FBXO3: variants seen among roughly 807,000 people sequenced by gnomAD.
FBXO3 encodes F-box only protein 3.
In FBXO3, 17 loss-of-function variants were observed where a neutral mutation model predicts 64.8. The ratio of observed to expected loss-of-function variants is 0.26; its 90% CI spans 0.18 to 0.39. The LOEUF is 0.39. Among genes scored for constraint, FBXO3 ranks in the 10% least tolerant of loss-of-function variants. The pLI is 1.00. For missense variants in FBXO3, 420 were observed against 589.9 expected, an observed-to-expected ratio of 0.71 and a Z score of 2.98; for synonymous variants, 182 against 201.6, an observed-to-expected ratio of 0.90 and a Z score of 0.82.
rs750453615 is a variant in FBXO3 at position 33,751,531 on chromosome 11, T to C, written c.801A>G (p.Gln267=). ...GACCCAAAATAAAATACCTGAAAATTTGGTCTCTGATGATGGGGAAGCCAC... is the reference window on the plus strand; with the variant it reads ...GACCCAAAATAAAATACCTGAAAATCTGGTCTCTGATGATGGGGAAGCCAC... ...VSGGFPIIRD[Q]IFRYVHDPEC... The change falls in exon 7 of 11, where the codon CAA becomes CAG. Residue 267 remains glutamine, a synonymous_variant. Transcript: ENST00000265651. 6.2e-6 allele frequency: 10 copies of C among 1,601,216 alleles called. No homozygotes were observed. Among genetic ancestry groups the C allele is most frequent in the South Asian group, 2.3e-5 (2 of 88,742 alleles).
rs80278327 is a variant in FBXO3, at chr11:33,759,064, T to C, written c.359-463A>G. On this transcript the variant is annotated intron_variant, in intron 3 of 10. Coordinates refer to ENST00000265651, the MANE Select transcript of FBXO3 (RefSeq NM_012175.4). ...GAGGCCATTAACTTGAACTCTATTT[T>C]GCATATTTGTAAACTTGCCACATAT... is the stretch of plus-strand genomic sequence containing the variant. Among the ~76,000 whole-genome samples the C allele has an allele frequency of 2.1e-3, 325 of 152,358 alleles. 1 individual carries two copies. The highest frequency in any genetic ancestry group is 7.6e-3 in the African/African-American group (315 of 41,578).
intron 1 of FBXO3, chr11:33,773,074 T>C (rs190443162): frequency 4.4e-4 from 66 of 151,566 alleles, no homozygotes; most frequent in African/African-American, 1.4e-3. Context: ...GCAAATGTGA[T>C]AGTGGTGGAG....
In FBXO3 at chr11:33,750,574, T is replaced by G. The variant is rs147947649; in HGVS notation, c.897A>C (p.Val299=). The change falls in exon 8 of 11, where the codon GTA becomes GTC. Residue 299 remains valine, a synonymous_variant. Transcript: ENST00000265651. Reference sequence around the variant, plus strand: ...ATGTGAAGAAATAGTGGGGTGGATGTACAGAGCTAAGTTCTGGCAGAAACG... The same window carrying G: ...ATGTGAAGAAATAGTGGGGTGGATGGACAGAGCTAAGTTCTGGCAGAAACG... The part of the protein sequence containing the change: ...STSFLPELSS[V]HPPHYFFTYR... The G allele has an allele frequency of 2.5e-6, 4 of 1,613,964 alleles. No individual in the cohort carries two copies. In the South Asian group the frequency reaches 4.4e-5, roughly 18 times the overall value.
intron 4 of FBXO3, 136 bp from the exon 5 acceptor site, chr11:33,756,111 C>T: frequency 1.6e-6 from 1 of 621,330 alleles, no homozygotes; most frequent in Non-Finnish European, 2.8e-6. Flanking sequence ...ATCAGGAATA[C>T]CCAAAGCACT....
At chr11:33,749,640 A>G (rs1348879724) in intron 8 of FBXO3, among the ~76,000 whole-genome samples, 1 of 152,136 alleles carries the variant, frequency 6.6e-6, no homozygotes, top group East Asian at 1.9e-4. Context: ...CTGCGATTAT[A>G]GGCGTGGGCC....
Position 33,773,077 on chromosome 11 carries a change from T to A in FBXO3, c.104+1317A>T, listed in dbSNP as rs141504249. 310 of 151,172 alleles carry A rather than the reference T, an allele frequency of 2.1e-3. 1 individual carries two copies. The highest frequency in any genetic ancestry group is 6.8e-3 in the African/African-American group (281 of 41,106). The allele number at this position is 151,172 out of a possible 1,614,324, so 9.4% of individuals were successfully genotyped here. On this transcript the variant is annotated intron_variant, in intron 1 of 10. Coordinates refer to ENST00000265651, the MANE Select transcript of FBXO3 (RefSeq NM_012175.4). ...AGAATGGATGGTGCAAATGTGATAG[T>A]GGTGGAGAAATAAGTCCTGGAGGAC...
chr11:33,750,165 A>AT (rs5790949), intron 8 of FBXO3, among the ~76,000 whole-genome samples: 47,793 of 151,844 alleles, frequency 0.31, 7,928 homozygotes, highest in East Asian at 0.51. Context: ...CATTTATTAG[A>AT]TTTTTTAATT....
chr11:33,754,856 T>C (rs1590571280), intron 5 of FBXO3, among the ~76,000 whole-genome samples: 1 of 144,464 alleles, frequency 6.9e-6, no homozygotes, highest in South Asian at 2.2e-4. Context: ...GTCTCAACTA[T>C]GAAAAGCATT....
At chr11:33,746,347 TA>T (rs1854812312) in intron 10 of FBXO3, 1 of 302,770 alleles carries the variant, frequency 3.3e-6, no homozygotes, top group African/African-American at 2.1e-5. Flanking sequence ...TTCTTTTCAC[TA>T]GATATGCCAC....
intron 3 of FBXO3, 60 bp downstream of exon 3, chr11:33,768,791 A>G (rs1305740249): frequency 1.9e-6 from 3 of 1,589,926 alleles, no homozygotes; most frequent in African/African-American, 1.3e-5. Context: ...AGTTGTTTAA[A>G]CTAACCTATT....
At chr11:33,762,798 A>G (rs918576186) in intron 3 of FBXO3, among the ~76,000 whole-genome samples, 7 of 151,980 alleles carry the variant, frequency 4.6e-5, no homozygotes, top group African/African-American at 1.7e-4. Context: ...AAAAACAAAC[A>G]TACAGTAAAG....
intron 10 of FBXO3, chr11:33,746,429 G>A (rs1314583028): frequency 7.1e-6 from 3 of 423,178 alleles, no homozygotes; most frequent in East Asian, 6.8e-5. Flanking sequence ...TGTCAGCTCT[G>A]GATCAGATTA....
chr11:33,768,457 G>C (rs1855429315), intron 3 of FBXO3, among the ~76,000 whole-genome samples: 1 of 152,014 alleles, frequency 6.6e-6, no homozygotes, highest in South Asian at 2.1e-4. Context: ...ACATTTACTT[G>C]TACTGAAAAT....
intron 1 of FBXO3, chr11:33,771,847 C>T (rs915141248): frequency 6.6e-6 from 1 of 152,208 alleles, no homozygotes; most frequent in African/African-American, 2.4e-5. Context: ...TTCTTGATTC[C>T]TGTCCCTCCA....
chr11:33,745,453 GC>G (rs1319378471), intron 10 of FBXO3: 2 of 151,926 alleles, frequency 1.3e-5, no homozygotes, highest in African/African-American at 4.8e-5. Flanking sequence ...ATAATTTTGG[GC>G]CATAAAACAT....
intron 2 of FBXO3, among the ~76,000 whole-genome samples, chr11:33,769,295 T>C (rs532867254): frequency 3.9e-5 from 6 of 152,290 alleles, no homozygotes; most frequent in African/African-American, 7.2e-5. Context: ...AGTAATAACG[T>C]ATAAATTTCA....
At chr11:33,754,599 A>G in intron 5 of FBXO3, 99 bp from the exon 6 acceptor site, 1 of 1,005,872 alleles carries the variant, frequency 9.9e-7, no homozygotes, top group Non-Finnish European at 1.5e-6. Context: ...CAAAACAGAT[A>G]AAAATAAAGT....
chr11:33,746,899 G>A lies in FBXO3; in HGVS notation c.1239+231C>T, dbSNP rs1301075566. 3.2e-5 allele frequency: 45 copies of A among 1,422,862 alleles called. 1 individual carries two copies. In the South Asian group the frequency reaches 6.5e-4, roughly 20 times the overall value. 88.1% of individuals were successfully genotyped at this position (1,422,862 alleles called of 1,614,324 possible). On this transcript the variant is annotated intron_variant, in intron 10 of 10. Transcript: ENST00000265651. The stretch of plus-strand genomic sequence containing the variant: ...TAATCTACATTTAGGCCACTGAACA[G>A]TGAAAAACAAGTTGAATCTTTAAAA...
At chr11:33,750,494 A>G (rs1229543702) in intron 8 of FBXO3, 45 bp downstream of exon 8, 16 of 1,607,444 alleles carry the variant, frequency 1.0e-5, no homozygotes, top group South Asian at 4.4e-5. Flanking sequence ...TCCATTGGAT[A>G]TATCCCACCA....
Sources: gnomAD v4.1 joint callset for allele counts (sites outside exome capture counted in the v4.1 genomes callset) on GRCh38, gnomAD v4.1.1 for gene constraint, MANE v1.5 for transcripts, NCBI Gene and HGNC (gene_info 2026-07-23, HGNC 2026-07-21) for gene names.